The following KLHDC4 variants were observed in gnomAD, a reference collection of about 807,000 sequenced individuals.
The protein encoded by KLHDC4 is kelch domain containing 4, also known as kelch domain-containing protein 4.
In KLHDC4, 90 loss-of-function variants were observed where a neutral mutation model predicts 62.4. The observed-to-expected ratio is 1.44, with a 90% CI of 1.22 to 1.72. KLHDC4 has a LOEUF of 1.72. Among genes scored for constraint, KLHDC4 ranks in the 40% most tolerant of loss-of-function variants. The pLI is 0.00. For synonymous variants in KLHDC4, 386 were observed against 284.4 expected (o/e 1.36, Z -3.59); for missense variants, 1,025 against 699.7 (o/e 1.47, Z -5.25).
intron 5 of KLHDC4, chr16:87,730,929 C>A (rs1300417902): frequency 3.9e-6 from 1 of 255,110 alleles, no homozygotes; most frequent in Non-Finnish European, 7.4e-6. Context: ...TGGACTCCGC[C>A]AACATAAAAA....
At chr16:87,724,543 G>A (rs767975100) in intron 7 of KLHDC4, among the ~76,000 whole-genome samples, 11 of 152,036 alleles carry the variant, frequency 7.2e-5, no homozygotes, top group Non-Finnish European at 1.5e-4. Context: ...AATAGCAGAA[G>A]ACATGAACAC....
intron 2 of KLHDC4, among the ~76,000 whole-genome samples, chr16:87,759,021 C>CA (rs1471796901): frequency 6.6e-6 from 1 of 151,894 alleles, no homozygotes; most frequent in Non-Finnish European, 1.5e-5. Flanking sequence ...ACTAAAAATA[C>CA]AAAATTAGCC....
intron 7 of KLHDC4, among the ~76,000 whole-genome samples, chr16:87,720,139 C>T (rs990325401): frequency 6.6e-6 from 1 of 152,174 alleles, no homozygotes; most frequent in African/African-American, 2.4e-5. Context: ...ACACACAGGG[C>T]CGCCCCAAGG....
At chr16:87,761,697 G>C (rs889864514) in intron 2 of KLHDC4, among the ~76,000 whole-genome samples, 3 of 152,324 alleles carry the variant, frequency 2.0e-5, no homozygotes, top group Middle Eastern at 3.4e-3. Flanking sequence ...GTCACGACCA[G>C]TGGAGGAGCT....
At chr16:87,751,544 G>A (rs1211205994) in intron 4 of KLHDC4, among the ~76,000 whole-genome samples, 5 of 152,114 alleles carry the variant, frequency 3.3e-5, no homozygotes, top group Non-Finnish European at 4.4e-5. Context: ...TTCAGTTTAG[G>A]GAGAATAGAC....
chr16:87,699,273 G>T (rs1014959554), exon 1 of KLHDC4: 1 of 152,262 alleles, frequency 6.6e-6, no homozygotes, highest in Non-Finnish European at 1.5e-5. Context: ...GATAATTTCG[G>T]GAACTGAAAC....
intron 7 of KLHDC4, among the ~76,000 whole-genome samples, chr16:87,722,827 G>A (rs1039667358): frequency 6.6e-6 from 1 of 152,268 alleles, no homozygotes; most frequent in Non-Finnish European, 1.5e-5. Flanking sequence ...GGTCTGGCAG[G>A]AGAGTGCAGT....
chr16:87,756,578 C>T, intron 2 of KLHDC4, 101 bp from the exon 3 acceptor site: 1 of 808,162 alleles, frequency 1.2e-6, no homozygotes, highest in Non-Finnish European at 2.1e-6. Context: ...AAACTGGCTG[C>T]CTCTACACTT....
chr16:87,703,378 C>A (rs2034269234), downstream of KLHDC4: 2 of 152,190 alleles, frequency 1.3e-5, no homozygotes, highest in Admixed American at 6.6e-5. Context: ...CATGTCTCCC[C>A]CAGCCCTGAG....
intron 8 of KLHDC4, among the ~76,000 whole-genome samples, chr16:87,712,970 A>G (rs985885450): frequency 1.3e-5 from 2 of 152,196 alleles, no homozygotes; most frequent in South Asian, 2.1e-4. Context: ...AACACCCTTG[A>G]TCTGTGCCTC....
intron 3 of KLHDC4, chr16:87,755,886 G>A (rs566627335): frequency 1.8e-4 from 29 of 161,528 alleles, no homozygotes; most frequent in South Asian, 6.7e-4. Flanking sequence ...CTAAATGCAC[G>A]AAAACTGAGA....
downstream of KLHDC4, among the ~76,000 whole-genome samples, chr16:87,704,984 G>A (rs142546305): frequency 5.0e-3 from 755 of 152,360 alleles, 6 homozygotes; most frequent in African/African-American, 0.015. Flanking sequence ...AAAGCCCTGC[G>A]AGGAGGAGCT....
chr16:87,711,068 C>T, intron 9 of KLHDC4, 167 bp downstream of exon 9: 1 of 646,280 alleles, frequency 1.5e-6, no homozygotes, highest in Non-Finnish European at 2.7e-6. Context: ...AAGGGCTCTC[C>T]AAGCCTAGTC....
At chr16:87,746,987 G>A (rs1405952695) in intron 5 of KLHDC4, among the ~76,000 whole-genome samples, 1 of 152,236 alleles carries the variant, frequency 6.6e-6, no homozygotes, top group Non-Finnish European at 1.5e-5. Context: ...AGCTGCACAC[G>A]AGGTAGGGGC....
At position 87,762,126 on chromosome 16, in the gene KLHDC4, G is replaced by A. The variant is rs2045980788; in HGVS notation, c.100-86C>T. 8.9e-6 allele frequency: 14 copies of A among 1,573,368 alleles called. No individual in the cohort carries two copies. The South Asian group carries it at 9.3e-5, about 10-fold the overall frequency. On this transcript the variant is annotated intron_variant, in intron 1 of 11. Coordinates refer to ENST00000270583, the MANE Select transcript of KLHDC4 (RefSeq NM_017566.4). ...CCCGCTCAGCTTTCCTCCAATCAGT[G>A]TGATTCGACTGGGCTCAGTCACATC...
intron 5 of KLHDC4, among the ~76,000 whole-genome samples, chr16:87,744,660 T>C (rs2042765325): frequency 6.6e-6 from 1 of 151,646 alleles, no homozygotes; most frequent in African/African-American, 2.4e-5. Flanking sequence ...GCAAAGACTT[T>C]AAGTAAATGA....
At chr16:87,765,099 C>T (rs1473643733) in intron 1 of KLHDC4, 4 of 455,938 alleles carry the variant, frequency 8.8e-6, no homozygotes, top group South Asian at 6.2e-5. Context: ...GGGAGCTGTG[C>T]CTGGCGCACG....
At chr16:87,727,814 T>C (rs2039640551) in intron 6 of KLHDC4, among the ~76,000 whole-genome samples, 1 of 152,172 alleles carries the variant, frequency 6.6e-6, no homozygotes, top group South Asian at 2.1e-4. Context: ...TGCCCGGTTT[T>C]CTCCTGTTTG....
At chr16:87,741,327 C>T (rs1241945974) in intron 5 of KLHDC4, among the ~76,000 whole-genome samples, 4 of 152,204 alleles carry the variant, frequency 2.6e-5, no homozygotes, top group Non-Finnish European at 5.9e-5. Flanking sequence ...GGTCCATGGC[C>T]TGTTAGGAAT....
Sources: gnomAD v4.1 joint callset for allele counts (sites outside exome capture counted in the v4.1 genomes callset) on GRCh38, gnomAD v4.1.1 for gene constraint, MANE v1.5 for transcripts, NCBI Gene and HGNC (gene_info 2026-07-23, HGNC 2026-07-21) for gene names.